Variants in NEK11 observed in about 807,000 individuals in gnomAD.
The protein encoded by NEK11 is serine/threonine-protein kinase Nek11.
Under a neutral mutation model 80.7 loss-of-function variants are expected in NEK11, and 72 were observed. That is an observed-to-expected ratio of 0.89 (90% CI 0.74 to 1.08). NEK11 has a LOEUF of 1.08. Among genes scored for constraint, NEK11 ranks in the 50% least tolerant of loss-of-function variants. The pLI is 0.00. For missense variants in NEK11, 764 were observed against 763.6 expected, an observed-to-expected ratio of 1.00 and a Z score of -0.01; for synonymous variants, 251 against 260.7, an observed-to-expected ratio of 0.96 and a Z score of 0.36.
chr3:131,241,418 T>C (rs936586509), intron 15 of NEK11, among the ~76,000 whole-genome samples: 11 of 152,246 alleles, frequency 7.2e-5, no homozygotes, highest in African/African-American at 2.2e-4. Flanking sequence ...GGAGCAATGG[T>C]CCAGCCATTA....
intron 3 of NEK11, among the ~76,000 whole-genome samples, chr3:131,034,340 C>A (rs114394247): frequency 0.013 from 2,013 of 152,178 alleles, 40 homozygotes; most frequent in African/African-American, 0.045. Flanking sequence ...TCTTACTATG[C>A]AGAGTTGATT....
chr3:131,068,387 G>A (rs16835653), intron 3 of NEK11, among the ~76,000 whole-genome samples: 1,541 of 152,304 alleles, frequency 0.01, 21 homozygotes, highest in East Asian at 0.074. Context: ...AATTCAAGAA[G>A]CACTGCTCTA....
chr3:131,312,380 G>C lies in NEK11; in HGVS notation c.1719-37177G>C, dbSNP rs573489804. On this transcript the variant is annotated intron_variant, in intron 17 of 17. Coordinates refer to ENST00000383366, the MANE Select transcript of NEK11 (RefSeq NM_024800.5). Reference sequence around the variant, plus strand: ...AAGCCATGACCTTGGGGCAATGGGGGAGTGAGGGTGGGATAATCATTGTAG... The same window carrying C: ...AAGCCATGACCTTGGGGCAATGGGGCAGTGAGGGTGGGATAATCATTGTAG... Among the ~76,000 whole-genome samples, 8 of 152,292 alleles carry C rather than the reference G, an allele frequency of 5.3e-5. No homozygotes were observed. The South Asian group carries it at 1.5e-3, about 28-fold the overall frequency.
chr3:131,152,851 C>T (rs536937324), intron 9 of NEK11, 142 bp downstream of exon 9: 17 of 633,250 alleles, frequency 2.7e-5, no homozygotes, highest in African/African-American at 1.1e-4. Flanking sequence ...GCTGAGAGGC[C>T]GAGGCGGATG....
chr3:131,224,146 A>G (rs1279790961), intron 14 of NEK11, among the ~76,000 whole-genome samples: 3 of 152,024 alleles, frequency 2.0e-5, no homozygotes, highest in Non-Finnish European at 4.4e-5. Context: ...AACCTACTAC[A>G]CTGCCAGTCA....
At chr3:131,212,806 T>G (rs2150548249) in intron 14 of NEK11, among the ~76,000 whole-genome samples, 1 of 152,348 alleles carries the variant, frequency 6.6e-6, no homozygotes, top group East Asian at 1.9e-4. Context: ...CTGTGATAGT[T>G]AATTTTATAT....
intron 16 of NEK11, among the ~76,000 whole-genome samples, chr3:131,269,950 T>C (rs970170623): frequency 2.0e-5 from 3 of 152,256 alleles, no homozygotes; most frequent in Non-Finnish European, 4.4e-5. Context: ...GCTCATGTGC[T>C]GTCTTGCCTT....
intron 5 of NEK11, among the ~76,000 whole-genome samples, chr3:131,130,056 A>G (rs1420573787): frequency 6.6e-6 from 1 of 152,172 alleles, no homozygotes; most frequent in Non-Finnish European, 1.5e-5. Context: ...GAGTCTACCT[A>G]TCCATGAACA....
At chr3:131,232,693 G>A (rs1176092854) in intron 15 of NEK11, among the ~76,000 whole-genome samples, 2 of 152,164 alleles carry the variant, frequency 1.3e-5, no homozygotes, top group African/African-American at 4.8e-5. Flanking sequence ...CTGGATATGC[G>A]ATAGGCAAGG....
intron 14 of NEK11, among the ~76,000 whole-genome samples, chr3:131,182,042 G>A (rs1427276165): frequency 2.0e-5 from 3 of 150,290 alleles, no homozygotes; most frequent in East Asian, 3.9e-4. Context: ...GACATTAAGG[G>A]CCACCTCAGT....
At chr3:131,295,194 A>G (rs1339686057) in intron 17 of NEK11, among the ~76,000 whole-genome samples, 2 of 151,932 alleles carry the variant, frequency 1.3e-5, no homozygotes, top group African/African-American at 4.8e-5. Context: ...TTTTTTTTAA[A>G]CAGGGAAAAT....
chr3:131,053,148 A>G (rs919298492), intron 3 of NEK11, among the ~76,000 whole-genome samples: 1 of 152,230 alleles, frequency 6.6e-6, no homozygotes, highest in Non-Finnish European at 1.5e-5. Flanking sequence ...TTTACAAAAG[A>G]TTCACTGAGG....
intron 14 of NEK11, among the ~76,000 whole-genome samples, chr3:131,206,043 G>A (rs953898191): frequency 3.3e-5 from 5 of 152,184 alleles, no homozygotes; most frequent in Admixed American, 6.5e-5. Context: ...GAGCCCCTTA[G>A]TGCTGACACT....
chr3:131,033,607 G>T (rs887563798), intron 3 of NEK11, among the ~76,000 whole-genome samples: 4 of 152,190 alleles, frequency 2.6e-5, no homozygotes, highest in Non-Finnish European at 5.9e-5. Context: ...TGGAACAGCT[G>T]TATGTACATA....
rs1553878534 is a variant in NEK11 at position 131,115,962 on chromosome 3, C to CTTTCTTTCTTTCTTTCTTTCTTTCTT, written c.455+6043_455+6068dup. Among the ~76,000 whole-genome samples the CTTTCTTTCTTTCTTTCTTTCTTTCTT allele has an allele frequency of 9.4e-4, 133 of 140,986 alleles. 1 individual carries two copies. Among genetic ancestry groups the CTTTCTTTCTTTCTTTCTTTCTTTCTT allele is most frequent in the East Asian group, 9.1e-3 (41 of 4,488 alleles). The allele number at this position is 140,986 out of a possible 152,430, so 92.5% of individuals were successfully genotyped here. On this transcript the variant is annotated intron_variant, in intron 5 of 17. Transcript: ENST00000383366. ...TCTTTCTTTCTTTCTTTCTTTCTTT[C>CTTTCTTTCTTTCTTTCTTTCTTTCTT]TTTCTTTCTTTCTTTCTTTCTTTCT...
At chr3:131,236,710 A>T (rs938763895) in intron 15 of NEK11, among the ~76,000 whole-genome samples, 1 of 152,172 alleles carries the variant, frequency 6.6e-6, no homozygotes, top group Non-Finnish European at 1.5e-5. Flanking sequence ...CACCGCACAC[A>T]CTTTAAGGCA....
intron 14 of NEK11, among the ~76,000 whole-genome samples, chr3:131,202,227 A>T (rs2094262182): frequency 6.6e-6 from 1 of 152,098 alleles, no homozygotes; most frequent in Non-Finnish European, 1.5e-5. Context: ...TGCCTGGTTC[A>T]TCTCATTGGG....
intron 14 of NEK11, among the ~76,000 whole-genome samples, chr3:131,177,753 A>G (rs1025321903): frequency 6.6e-6 from 1 of 152,234 alleles, no homozygotes; most frequent in Non-Finnish European, 1.5e-5. Flanking sequence ...CACTTTAAAA[A>G]GAATAGTAAG....
At chr3:131,147,040 G>A (rs2088499537) in intron 7 of NEK11, among the ~76,000 whole-genome samples, 1 of 151,970 alleles carries the variant, frequency 6.6e-6, no homozygotes, top group Non-Finnish European at 1.5e-5. Context: ...TTTTAATGAA[G>A]TTCATTTTAT....
Sources: gnomAD v4.1 joint callset for allele counts (sites outside exome capture counted in the v4.1 genomes callset) on GRCh38, gnomAD v4.1.1 for gene constraint, MANE v1.5 for transcripts, NCBI Gene and HGNC (gene_info 2026-07-23, HGNC 2026-07-21) for gene names.